Variants in CTNND2 observed in about 807,000 individuals in gnomAD.
The protein encoded by CTNND2 is catenin delta-2.
A neutral mutation model predicts 144.4 loss-of-function variants in CTNND2; 22 were observed. The ratio of observed to expected loss-of-function variants is 0.15; its 90% CI spans 0.11 to 0.22. The LOEUF (loss-of-function observed/expected upper bound fraction) is 0.22. Ranked by LOEUF, CTNND2 falls within the 10% of genes least tolerant of loss-of-function variation. The pLI is 1.00. For synonymous variants in CTNND2, 751 were observed against 695.6 expected (o/e 1.08, Z -1.25); for missense variants, 1,353 against 1,618.8 (o/e 0.84, Z 2.82).
intron 1 of CTNND2, among the ~76,000 whole-genome samples, chr5:11,770,459 G>GGAAA (rs1789863863): frequency 7.1e-6 from 1 of 140,458 alleles, no homozygotes; most frequent in African/African-American, 3.1e-5. Flanking sequence ...AAGGAAGGAA[G>GGAAA]GAAGGGGTAG....
At chr5:11,070,152 T>G (rs551742995) in intron 16 of CTNND2, among the ~76,000 whole-genome samples, 1 of 152,140 alleles carries the variant, frequency 6.6e-6, no homozygotes, top group South Asian at 2.1e-4. Context: ...CACAATAATA[T>G]AGATGTTAGA....
At chr5:11,064,585 G>A (rs1035920646) in intron 16 of CTNND2, among the ~76,000 whole-genome samples, 6 of 151,812 alleles carry the variant, frequency 4.0e-5, no homozygotes, top group African/African-American at 1.2e-4. Context: ...ATGCAGTAAG[G>A]GTCACTTGGG....
intron 3 of CTNND2, among the ~76,000 whole-genome samples, chr5:11,484,296 C>T (rs1174094603): frequency 6.6e-6 from 1 of 152,164 alleles, no homozygotes; most frequent in Non-Finnish European, 1.5e-5. Flanking sequence ...CATCATGTTA[C>T]GCATAGTTGA....
At chr5:11,231,540 G>A (rs1383428105) in intron 10 of CTNND2, among the ~76,000 whole-genome samples, 4 of 152,186 alleles carry the variant, frequency 2.6e-5, no homozygotes, top group Non-Finnish European at 4.4e-5. Flanking sequence ...GAGACTGGCA[G>A]CATTTTGCTC....
At chr5:11,865,724 T>G (rs1469459675) in intron 1 of CTNND2, among the ~76,000 whole-genome samples, 2 of 152,030 alleles carry the variant, frequency 1.3e-5, no homozygotes. Flanking sequence ...GAGATTACCC[T>G]GGATTATTGA....
intron 9 of CTNND2, among the ~76,000 whole-genome samples, chr5:11,283,567 G>T (rs187992535): frequency 6.6e-6 from 1 of 150,388 alleles, no homozygotes. Context: ...CCAGCTACAC[G>T]GGAGGCTGAG....
At chr5:11,244,964 C>T (rs909301223) in intron 9 of CTNND2, among the ~76,000 whole-genome samples, 16 of 152,084 alleles carry the variant, frequency 1.1e-4, no homozygotes, top group African/African-American at 3.4e-4. Flanking sequence ...TGAGGCAACT[C>T]AGACAAATTA....
At chr5:11,738,748 T>A (rs59648730) in intron 1 of CTNND2, among the ~76,000 whole-genome samples, 21,922 of 152,124 alleles carry the variant, frequency 0.14, 1,747 homozygotes, top group South Asian at 0.27. Flanking sequence ...GCCAGCATTC[T>A]TGTGTCACTC....
chr5:11,082,674 C>G, intron 16 of CTNND2, 22 bp downstream of exon 16: 1 of 1,612,034 alleles, frequency 6.2e-7, no homozygotes, highest in East Asian at 2.2e-5. Flanking sequence ...ACTTGAGACA[C>G]TGTGAATCAG....
At chr5:11,774,466 G>C (rs1417643836) in intron 1 of CTNND2, among the ~76,000 whole-genome samples, 3 of 147,816 alleles carry the variant, frequency 2.0e-5, no homozygotes, top group Non-Finnish European at 4.5e-5. Flanking sequence ...CGAGTTAGTG[G>C]GTGCAGCGCA....
intron 7 of CTNND2, among the ~76,000 whole-genome samples, chr5:11,376,545 G>A (rs536305207): frequency 3.3e-5 from 5 of 152,060 alleles, no homozygotes; most frequent in African/African-American, 4.8e-5. Context: ...GTGCATTCTC[G>A]AGTTAGAATT....
intron 3 of CTNND2, among the ~76,000 whole-genome samples, chr5:11,505,335 T>G (rs25934): frequency 0.24 from 36,031 of 151,990 alleles, 6,408 homozygotes; most frequent in African/African-American, 0.51. Context: ...AGGAGAGAAG[T>G]TGAGAAAATC....
At chr5:11,460,687 G>C (rs893238120) in intron 3 of CTNND2, among the ~76,000 whole-genome samples, 18 of 152,100 alleles carry the variant, frequency 1.2e-4, no homozygotes, top group Admixed American at 2.0e-4. Context: ...CTCAGATACA[G>C]CTCACTCCCT....
intron 9 of CTNND2, among the ~76,000 whole-genome samples, chr5:11,254,994 T>C (rs989774432): frequency 2.0e-5 from 3 of 152,166 alleles, no homozygotes; most frequent in Non-Finnish European, 4.4e-5. Context: ...TAATTTAAAA[T>C]TTGTCTTTGG....
At chr5:11,888,897 A>T (rs1736757883) in intron 1 of CTNND2, among the ~76,000 whole-genome samples, 1 of 152,052 alleles carries the variant, frequency 6.6e-6, no homozygotes, top group Admixed American at 6.5e-5. Flanking sequence ...GATTACAGGC[A>T]CGTACCACCA....
intron 2 of CTNND2, among the ~76,000 whole-genome samples, chr5:11,639,938 C>T (rs1296917102): frequency 6.6e-6 from 1 of 152,112 alleles, no homozygotes. Context: ...TCCCACAGAA[C>T]CTCAACAAGA....
intron 3 of CTNND2, among the ~76,000 whole-genome samples, chr5:11,432,858 G>GA (rs1241779732): frequency 1.3e-5 from 2 of 152,082 alleles, no homozygotes; most frequent in Non-Finnish European, 2.9e-5. Flanking sequence ...TTTTATAGGG[G>GA]AAAAAATCTG....
intron 3 of CTNND2, among the ~76,000 whole-genome samples, chr5:11,520,142 T>G (rs1772589793): frequency 7.7e-6 from 1 of 130,582 alleles, no homozygotes; most frequent in Non-Finnish European, 1.7e-5. Flanking sequence ...AGTGAAACTC[T>G]GTCTTGGAAA....
At chr5:11,083,924 T>C in intron 15 of CTNND2, 2 of 1,153,194 alleles carry the variant, frequency 1.7e-6, no homozygotes, top group South Asian at 1.7e-5. Flanking sequence ...ACGTAGGGCA[T>C]ATGCCATGCC....
Sources: gnomAD v4.1 joint callset for allele counts (sites outside exome capture counted in the v4.1 genomes callset) on GRCh38, gnomAD v4.1.1 for gene constraint, MANE v1.5 for transcripts, NCBI Gene and HGNC (gene_info 2026-07-23, HGNC 2026-07-21) for gene names.